The following ABCA13 variants were observed in gnomAD, a reference collection of about 807,000 sequenced individuals.
ABCA13 encodes ATP-binding cassette sub-family A member 13.
ABCA13 carries 476 observed loss-of-function variants against 478.7 expected under a neutral mutation model. The ratio of observed to expected loss-of-function variants is 0.99; its 90% CI spans 0.92 to 1.07. ABCA13 has a LOEUF of 1.07. ABCA13 is among the 50% of genes least tolerant of loss of function. ABCA13 has a pLI of 0.00. For missense variants in ABCA13, 6,060 were observed against 5,910.6 expected, an observed-to-expected ratio of 1.03 and a Z score of -0.83; for synonymous variants, 2,252 against 2,158.9, an observed-to-expected ratio of 1.04 and a Z score of -1.20.
At chr7:48,529,150 T>A (rs993247349) in intron 55 of ABCA13, among the ~76,000 whole-genome samples, 1 of 152,222 alleles carries the variant, frequency 6.6e-6, no homozygotes. Context: ...CTAATGTTAA[T>A]GATGTTTCTC....
At chr7:48,571,047 C>G (rs1163635884) in intron 55 of ABCA13, among the ~76,000 whole-genome samples, 1 of 152,112 alleles carries the variant, frequency 6.6e-6, no homozygotes. Flanking sequence ...TAGATTAATA[C>G]CAACTTAATT....
intron 55 of ABCA13, among the ~76,000 whole-genome samples, chr7:48,554,498 T>G (rs2131216396): frequency 6.6e-6 from 1 of 152,000 alleles, no homozygotes. Flanking sequence ...CTTTGATTTC[T>G]TTCACCAATG....
At chr7:48,413,698 G>A (rs1033071455) in intron 41 of ABCA13, among the ~76,000 whole-genome samples, 3 of 152,204 alleles carry the variant, frequency 2.0e-5, no homozygotes, top group African/African-American at 7.2e-5. Context: ...AATCTTTTGT[G>A]TGATAAATCA....
chr7:48,311,186 C>T (rs1801721116), intron 24 of ABCA13, among the ~76,000 whole-genome samples: 1 of 152,072 alleles, frequency 6.6e-6, no homozygotes, highest in African/African-American at 2.4e-5. Flanking sequence ...GGTAGATTTG[C>T]CATTTCAGCC....
chr7:48,628,532 T>C (rs1361051071), intron 59 of ABCA13, among the ~76,000 whole-genome samples: 1 of 152,220 alleles, frequency 6.6e-6, no homozygotes, highest in Non-Finnish European at 1.5e-5. Flanking sequence ...TCTGGCTGCC[T>C]GACTTCAGAC....
At chr7:48,604,537 G>A (rs1017564392) in intron 58 of ABCA13, among the ~76,000 whole-genome samples, 2 of 152,102 alleles carry the variant, frequency 1.3e-5, no homozygotes, top group Admixed American at 6.6e-5. Context: ...GTAGTTGTGC[G>A]GTTTTGAGTG....
chr7:48,248,200 C>G, intron 13 of ABCA13, 39 bp from the exon 14 acceptor site: 1 of 1,549,606 alleles, frequency 6.5e-7, no homozygotes, highest in Non-Finnish European at 8.8e-7. Flanking sequence ...ATCTGAATTG[C>G]TTTATTTATT....
At position 48,273,765 on chromosome 7, in the gene ABCA13, A is replaced by C. The variant is rs749690513; in HGVS notation, c.4099A>C (p.Thr1367Pro). The stretch of plus-strand genomic sequence containing the variant: ...AGAAGATGGCTTTTTATATGTAAAT[A>C]CCTCACAGAGGATGTTACGTATTCT... ...ILEDGFLYVN[T>P]SQRMLRILDT... The change falls in exon 17 of 62, where the codon ACC becomes CCC. Residue 1367 changes from threonine to proline, a missense_variant. Physicochemically the swap from Thr to Pro is conservative, Grantham distance 38. Around this residue, in one of 3 missense-constraint regions of ABCA13, gnomAD observed 4,423 missense variants for 4,309.1 expected, o/e 1.03. Transcript: ENST00000435803. The C allele has an allele frequency of 1.9e-6, 3 of 1,610,836 alleles. No homozygotes were observed. The highest frequency in any genetic ancestry group is 2.5e-6 in the Non-Finnish European group (3 of 1,178,304).
intron 29 of ABCA13, among the ~76,000 whole-genome samples, chr7:48,342,339 T>G (rs1807370007): frequency 6.6e-6 from 1 of 152,192 alleles, no homozygotes; most frequent in South Asian, 2.1e-4. Context: ...AGGTGTGTGT[T>G]TACATTTCTC....
At chr7:48,438,860 A>G (rs1823200456) in intron 42 of ABCA13, among the ~76,000 whole-genome samples, 1 of 149,914 alleles carries the variant, frequency 6.7e-6, no homozygotes, top group South Asian at 2.1e-4. Flanking sequence ...TAACCACATA[A>G]CTGCAGAAGA....
At chr7:48,631,662 G>T (rs74762870) in intron 59 of ABCA13, among the ~76,000 whole-genome samples, 2,387 of 151,328 alleles carry the variant, frequency 0.016, 53 homozygotes, top group African/African-American at 0.054. Context: ...TGTTTTTTTG[G>T]TTCCATATGA....
In ABCA13 at chr7:48,275,240, A is replaced by G; in HGVS notation, c.5574A>G (p.Ile1858Met). The G allele has an allele frequency of 6.2e-7, 1 of 1,613,892 alleles. No individual in the cohort carries two copies. Among genetic ancestry groups the G allele is most frequent in the Non-Finnish European group, 8.5e-7 (1 of 1,179,844 alleles). ...SSSFYGKVAS[I>M]LDHFHLSPQG... is the part of the protein sequence containing the mutation. ...CCTTTTATGGCAAAGTGGCCAGTAT[A>G]CTTGATCATTTCCACCTGTCTCCCC... Residue 1858 changes from isoleucine to methionine, a missense_variant, in exon 17 of 62, where the codon ATA becomes ATG. Around this residue, in one of 3 missense-constraint regions of ABCA13, gnomAD observed 4,423 missense variants for 4,309.1 expected, o/e 1.03. Transcript: ENST00000435803.
intron 56 of ABCA13, among the ~76,000 whole-genome samples, chr7:48,581,006 G>A (rs188231748): frequency 4.0e-4 from 61 of 152,284 alleles, no homozygotes; most frequent in Non-Finnish European, 5.9e-5. Context: ...AGAGGTCAGC[G>A]AAGCAGAGCG....
At chr7:48,414,094 A>T (rs1413527231) in intron 41 of ABCA13, among the ~76,000 whole-genome samples, 3 of 152,262 alleles carry the variant, frequency 2.0e-5, no homozygotes, top group Admixed American at 2.0e-4. Flanking sequence ...AACAAAAAGC[A>T]GCCTAATAAA....
intron 42 of ABCA13, among the ~76,000 whole-genome samples, chr7:48,448,214 G>A (rs190491409): frequency 4.6e-5 from 7 of 152,136 alleles, no homozygotes; most frequent in African/African-American, 1.4e-4. Context: ...ATTATCTCTC[G>A]CCCTAACCAT....
At chr7:48,632,812 T>C (rs931865797) in intron 59 of ABCA13, among the ~76,000 whole-genome samples, 3 of 152,146 alleles carry the variant, frequency 2.0e-5, no homozygotes, top group Non-Finnish European at 2.9e-5. Flanking sequence ...ATGGGGTGGA[T>C]AGGATTTTCA....
In ABCA13 at chr7:48,279,801, C is replaced by T; in HGVS notation, c.8607C>T (p.Thr2869=). The change falls in exon 18 of 62, where the codon ACC becomes ACT. Residue 2869 remains threonine, a synonymous_variant. Transcript: ENST00000435803. ...KNVTSEKEER[T]KKEMIDFPYS... is the part of the protein sequence containing the mutation. ...TCACATCAGAAAAAGAAGAGAGAAC[C>T]AAGAAAGAGATGATTGACTTTCCTT... is the stretch of plus-strand genomic sequence containing the variant. The T allele has an allele frequency of 6.2e-7, 1 of 1,601,752 alleles. No homozygotes were observed. The highest frequency in any genetic ancestry group is 8.5e-7 in the Non-Finnish European group (1 of 1,176,480).
chr7:48,390,189 G>T (rs1398207553), intron 37 of ABCA13, among the ~76,000 whole-genome samples: 1 of 152,168 alleles, frequency 6.6e-6, no homozygotes, highest in Non-Finnish European at 1.5e-5. Context: ...AACCTGGGCT[G>T]CTTGTTTAGC....
chr7:48,564,093 A>G (rs1304924177), intron 55 of ABCA13, among the ~76,000 whole-genome samples: 3 of 151,996 alleles, frequency 2.0e-5, no homozygotes, highest in African/African-American at 4.8e-5. Flanking sequence ...CTTTTGGGAA[A>G]GCATCATGGC....
Sources: allele counts gnomAD v4.1 joint callset (sites outside exome capture counted in the v4.1 genomes callset), GRCh38; gene constraint gnomAD v4.1.1; regional missense constraint gnomAD v4.1.1; transcripts MANE v1.5; gene names NCBI Gene and HGNC (gene_info 2026-07-23, HGNC 2026-07-21).